The following PDCD6 variants were observed in gnomAD, a reference collection of about 807,000 sequenced individuals.
PDCD6 encodes programmed cell death 6.
PDCD6 carries 12 observed loss-of-function variants against 28.3 expected under a neutral mutation model. That is an observed-to-expected ratio of 0.42 (90% CI 0.27 to 0.69). The LOEUF (loss-of-function observed/expected upper bound fraction) is 0.69, where lower values mean the gene tolerates loss of function less well. Among genes scored for constraint, PDCD6 ranks in the 30% least tolerant of loss-of-function variants. PDCD6 has a pLI of 0.22. For synonymous variants in PDCD6, 92 were observed against 108.0 expected, an observed-to-expected ratio of 0.85 and a Z score of 0.92; for missense variants, 226 against 269.9, an observed-to-expected ratio of 0.84 and a Z score of 1.14.
chr5:294,310 G>C (rs1276635384), intron 2 of PDCD6, among the ~76,000 whole-genome samples: 16 of 146,350 alleles, frequency 1.1e-4, no homozygotes, highest in Non-Finnish European at 1.5e-5. Context: ...GTCTCACAAC[G>C]TACTGGCACG....
intron 5 of PDCD6, chr5:311,885 A>C (rs953570770): frequency 5.9e-6 from 1 of 168,240 alleles, no homozygotes; most frequent in Non-Finnish European, 1.3e-5. Context: ...GGATTTTGCC[A>C]TGTTGGCCAG....
At chr5:311,670 G>T in intron 5 of PDCD6, 1 of 420,000 alleles carries the variant, frequency 2.4e-6, no homozygotes, top group Non-Finnish European at 4.3e-6. Context: ...ATGTTCTGGT[G>T]TTGTGGTTTT....
intron 2 of PDCD6, among the ~76,000 whole-genome samples, chr5:274,989 G>A (rs1301646472): frequency 3.3e-5 from 5 of 152,106 alleles, no homozygotes; most frequent in African/African-American, 7.2e-5. Context: ...GCTGTGTATC[G>A]GGACCCTCTC....
chr5:297,939 AAAAG>A (rs2126736367), intron 2 of PDCD6, among the ~76,000 whole-genome samples: 1 of 152,362 alleles, frequency 6.6e-6, no homozygotes, highest in Non-Finnish European at 1.5e-5. Flanking sequence ...AATATTCTTA[AAAAG>A]AGATCTCAAG....
Position 311,326 on chromosome 5 carries a change from T to C in PDCD6, c.401T>C (p.Leu134Pro). 1 of 1,614,072 alleles carries C rather than the reference T, an allele frequency of 6.2e-7. No individual in the cohort carries two copies. The highest frequency in any genetic ancestry group is 8.5e-7 in the Non-Finnish European group (1 of 1,179,994). ...CTCTCTGACCAGTTCCACGACATCC[T>C]CATTCGAAAGTTTGACAGGCAGGGA... ...YRLSDQFHDI[L>P]IRKFDRQGRG... Residue 134 changes from leucine (L) to proline (P), a missense_variant, in exon 5 of 6, where the codon CTC (leucine) becomes CCC (proline). This residue lies in a region of PDCD6 where 151 missense variants were observed against 177.2 expected (regional missense o/e 0.85). Transcript: ENST00000264933.
intron 5 of PDCD6, among the ~76,000 whole-genome samples, chr5:313,041 A>G (rs1741025859): frequency 6.6e-6 from 1 of 152,222 alleles, no homozygotes; most frequent in Non-Finnish European, 1.5e-5. Flanking sequence ...TCCAAGGCAC[A>G]TCTGCAGCCA....
At chr5:299,406 G>T (rs1165379516) in intron 2 of PDCD6, among the ~76,000 whole-genome samples, 2 of 149,848 alleles carry the variant, frequency 1.3e-5, no homozygotes, top group Non-Finnish European at 3.0e-5. Flanking sequence ...CAGCCCATCG[G>T]TTTCATCCAT....
At chr5:289,449 G>T (rs761546219) in intron 2 of PDCD6, 25 of 697,046 alleles carry the variant, frequency 3.6e-5, no homozygotes, top group Non-Finnish European at 6.5e-5. Context: ...CGCGCTGCCG[G>T]GTACAACGGC....
chr5:285,903 G>T (rs1317476649), intron 2 of PDCD6, among the ~76,000 whole-genome samples: 13 of 150,524 alleles, frequency 8.6e-5, no homozygotes, highest in African/African-American at 2.9e-4. Flanking sequence ...GAGACCCAGG[G>T]GTGAGCTGAT....
At chr5:276,998 T>A (rs1368319166) in intron 2 of PDCD6, 2 of 959,766 alleles carry the variant, frequency 2.1e-6, no homozygotes, top group African/African-American at 3.6e-5. Flanking sequence ...ACATATTTCT[T>A]GGAATTATAA....
At chr5:274,108 A>G (rs962742859) in intron 2 of PDCD6, among the ~76,000 whole-genome samples, 13 of 152,284 alleles carry the variant, frequency 8.5e-5, no homozygotes, top group African/African-American at 2.9e-4. Context: ...TCTGTGCATC[A>G]CCTGTTAAAT....
At position 314,710 on chromosome 5, in the gene PDCD6, A is replaced by G. The variant is rs1171332877; in HGVS notation, c.*195A>G. ...CTGTAATAGTAGCTGTATCGTTCTA[A>G]TGCAGACATTGGATTTGGTGACTGT... On this transcript the variant is annotated 3_prime_UTR_variant, in exon 6 of 6. Transcript: ENST00000264933. 3.0e-6 allele frequency: 2 copies of G among 670,076 alleles called. No homozygotes were observed. The highest frequency in any genetic ancestry group is 3.5e-5 in the African/African-American group (2 of 56,584). The allele number at this position is 670,076 out of a possible 1,614,324, so 41.5% of individuals were successfully genotyped here.
chr5:303,043 C>T (rs569852533), intron 2 of PDCD6, among the ~76,000 whole-genome samples: 4 of 152,148 alleles, frequency 2.6e-5, no homozygotes, highest in East Asian at 1.9e-4. Flanking sequence ...GTGGTACCCC[C>T]GTGGAAGTCT....
At chr5:292,501 C>G (rs1265904310) in intron 2 of PDCD6, among the ~76,000 whole-genome samples, 2 of 152,238 alleles carry the variant, frequency 1.3e-5, no homozygotes, top group South Asian at 2.1e-4. Flanking sequence ...TCAGGTGATT[C>G]TCCCACCTCA....
At chr5:303,782 G>A (rs1200601661) in intron 2 of PDCD6, among the ~76,000 whole-genome samples, 4 of 148,324 alleles carry the variant, frequency 2.7e-5, no homozygotes, top group African/African-American at 5.3e-5. Context: ...TTTCTGAAAT[G>A]GGAATTCGTG....
chr5:274,176 C>G (rs778248140), intron 2 of PDCD6, among the ~76,000 whole-genome samples: 2 of 152,208 alleles, frequency 1.3e-5, no homozygotes, highest in Non-Finnish European at 2.9e-5. Flanking sequence ...ACAAGCCACA[C>G]GGAGTGCCCT....
Position 271,750 on chromosome 5 carries a change from T to C in PDCD6, c.30T>C (p.Pro10=). ...CCGCCTACTCTTACCGCCCCGGCCC[T>C]GGGGCCGGCCCTGGGCCTGCTGCAG... MAAYSYRPG[P]GAGPGPAAGA... is the part of the protein sequence containing the mutation. The change falls in exon 1 of 6, where the codon CCT becomes CCC. Residue 10 remains proline (P), a synonymous_variant. Coordinates refer to ENST00000264933, the MANE Select transcript of PDCD6 (RefSeq NM_013232.4). 2 of 1,180,126 alleles carry C rather than the reference T, an allele frequency of 1.7e-6. No individual in the cohort carries two copies. Among genetic ancestry groups the C allele is most frequent in the Non-Finnish European group, 2.3e-6 (2 of 873,810 alleles). The allele number at this position is 1,180,126 out of a possible 1,614,324, so 73.1% of individuals were successfully genotyped here. A position where few individuals can be genotyped will look rare whatever the true frequency, so the allele number is the denominator to read the frequency against.
intron 2 of PDCD6, among the ~76,000 whole-genome samples, chr5:273,697 G>GCA (rs1037980851): frequency 2.6e-5 from 4 of 152,128 alleles, no homozygotes; most frequent in African/African-American, 7.2e-5. Flanking sequence ...GTGGGTGGGG[G>GCA]GGTGCTGGAT....
rs1341660631 is a variant in PDCD6, at chr5:306,619, A to G, written c.226A>G (p.Asn76Asp). ...RSIISMFDRENKAGVNFSEFT... is the reference protein window; with the variant it reads ...RSIISMFDREDKAGVNFSEFT... The stretch of plus-strand genomic sequence containing the variant: ...TGTCTCAGCCATGTTTGACCGTGAG[A>G]ACAAGGCCGGCGTGAACTTCAGCGA... Residue 76 changes from asparagine to aspartate, a missense_variant, in exon 4 of 6, where the codon AAC becomes GAC. Asn to Asp is a conservative substitution (Grantham distance 23). This residue lies in a region of PDCD6 where 151 missense variants were observed against 177.2 expected (regional missense o/e 0.85). Transcript: ENST00000264933. The G allele has an allele frequency of 1.9e-6, 3 of 1,613,894 alleles. No individual in the cohort carries two copies. Among genetic ancestry groups the G allele is most frequent in the South Asian group, 2.2e-5 (2 of 91,080 alleles).
Sources: allele counts gnomAD v4.1 joint callset (sites outside exome capture counted in the v4.1 genomes callset), GRCh38; gene constraint gnomAD v4.1.1; regional missense constraint gnomAD v4.1.1; transcripts MANE v1.5; gene names NCBI Gene and HGNC (gene_info 2026-07-23, HGNC 2026-07-21).